The following ATG7 variants were observed in gnomAD, a reference collection of about 807,000 sequenced individuals.
ATG7 encodes the protein autophagy related 7.
A neutral mutation model predicts 82.4 loss-of-function variants in ATG7; 70 were observed. The ratio of observed to expected loss-of-function variants is 0.85; its 90% CI spans 0.70 to 1.04. The LOEUF (loss-of-function observed/expected upper bound fraction) is 1.04, where lower values mean the gene tolerates loss of function less well. Ranked by LOEUF, ATG7 falls within the 50% of genes least tolerant of loss-of-function variation. The pLI is 0.00. For synonymous variants in ATG7, 287 were observed against 313.0 expected, an observed-to-expected ratio of 0.92 and a Z score of 0.88; for missense variants, 792 against 864.3, an observed-to-expected ratio of 0.92 and a Z score of 1.05.
chr3:11,317,139 C>T (rs951857042), intron 9 of ATG7, among the ~76,000 whole-genome samples: 1 of 152,042 alleles, frequency 6.6e-6, no homozygotes, highest in African/African-American at 2.4e-5. Flanking sequence ...CACTCCTGGC[C>T]CAGAGGAAGC....
chr3:11,459,211 T>G (rs569920170), intron 20 of ATG7, among the ~76,000 whole-genome samples: 8 of 151,556 alleles, frequency 5.3e-5, no homozygotes, highest in Non-Finnish European at 8.8e-5. Flanking sequence ...TCAGTCATTA[T>G]GGTGAAATGT....
At chr3:11,335,258 T>G (rs1952265687) in intron 11 of ATG7, among the ~76,000 whole-genome samples, 1 of 151,952 alleles carries the variant, frequency 6.6e-6, no homozygotes, top group African/African-American at 2.4e-5. Context: ...TATACCTTTG[T>G]TTTATTAAAC....
intron 9 of ATG7, among the ~76,000 whole-genome samples, chr3:11,323,088 A>G (rs1318843464): frequency 6.6e-6 from 1 of 152,216 alleles, no homozygotes; most frequent in African/African-American, 2.4e-5. Context: ...AACAGAATGA[A>G]ACTGTCAAAA....
chr3:11,415,252 A>G (rs1441074746), intron 19 of ATG7, among the ~76,000 whole-genome samples: 1 of 152,228 alleles, frequency 6.6e-6, no homozygotes, highest in Non-Finnish European at 1.5e-5. Context: ...AATACTTACC[A>G]TAAATGGAGT....
chr3:11,431,805 G>A (rs1265104808), intron 20 of ATG7, among the ~76,000 whole-genome samples: 1 of 152,164 alleles, frequency 6.6e-6, no homozygotes, highest in South Asian at 2.1e-4. Flanking sequence ...GCCCCTTTAT[G>A]AAGGAGGAAT....
rs116213945 is a variant in ATG7 at position 11,437,088 on chromosome 3, C to T, written c.2079+10162C>T. 6.7e-3 allele frequency among the ~76,000 whole-genome samples: 1,014 copies of T among 152,258 alleles called. 9 individuals are homozygous for T. Among genetic ancestry groups the T allele is most frequent in the African/African-American group, 0.024 (978 of 41,558 alleles). Reference sequence around the variant, plus strand: ...ATTATCAATACAGATGTTTAAAAAGCAAGACAAAAAGTGCCCATAGTTGGG... The same window carrying T: ...ATTATCAATACAGATGTTTAAAAAGTAAGACAAAAAGTGCCCATAGTTGGG... On this transcript the variant is annotated intron_variant, in intron 20 of 20. Transcript: ENST00000693202.
chr3:11,560,877 C>T (rs1172182913), downstream of ATG7, among the ~76,000 whole-genome samples: 2 of 152,146 alleles, frequency 1.3e-5, no homozygotes, highest in Admixed American at 6.5e-5. Context: ...GTGGACAGGG[C>T]CTCGGGTGAG....
intron 13 of ATG7, among the ~76,000 whole-genome samples, chr3:11,342,556 C>T (rs541956522): frequency 4.6e-5 from 7 of 152,148 alleles, no homozygotes; most frequent in African/African-American, 1.7e-4. Flanking sequence ...TTATTGTAGA[C>T]ATATCTAAAT....
intron 2 of ATG7, among the ~76,000 whole-genome samples, 156 bp from the exon 3 acceptor site, chr3:11,282,037 T>A (rs1372284419): frequency 6.6e-6 from 1 of 152,146 alleles, no homozygotes; most frequent in Non-Finnish European, 1.5e-5. Context: ...CAGGTGGGTG[T>A]CTCTCAGATG....
chr3:11,286,844 A>G (rs184302499), intron 3 of ATG7, among the ~76,000 whole-genome samples: 14 of 151,374 alleles, frequency 9.2e-5, no homozygotes, highest in African/African-American at 2.7e-4. Flanking sequence ...AGCTCAAGCT[A>G]TCCTCCCGCC....
intron 14 of ATG7, among the ~76,000 whole-genome samples, chr3:11,354,119 T>TC (rs2075761776): frequency 6.6e-6 from 1 of 152,200 alleles, no homozygotes; most frequent in Non-Finnish European, 1.5e-5. Context: ...AAATGTCAGC[T>TC]CATAAGAAAC....
At chr3:11,490,828 T>A (rs149036026) in intron 20 of ATG7, among the ~76,000 whole-genome samples, 1,631 of 152,366 alleles carry the variant, frequency 0.011, 30 homozygotes, top group African/African-American at 0.037. Context: ...GTAGAGTTTC[T>A]GCTGAGACAT....
At chr3:11,493,223 A>C (rs942049754) in intron 20 of ATG7, among the ~76,000 whole-genome samples, 1 of 152,172 alleles carries the variant, frequency 6.6e-6, no homozygotes, top group Non-Finnish European at 1.5e-5. Flanking sequence ...CCCTGAAGTC[A>C]ATTTGCCTCT....
At position 11,524,871 on chromosome 3, in the gene ATG7, G is replaced by A. The variant is rs189788329; in HGVS notation, c.2080-29940G>A. On this transcript the variant is annotated intron_variant, in intron 20 of 20. Coordinates refer to ENST00000693202, the MANE Select transcript of ATG7 (RefSeq NM_001349232.2). ...CCCATTGTCCTGTCATCCTCCAGGTGAGGTTCTGTGTCTTACAGATTAAGA... is the reference window on the plus strand; with the variant it reads ...CCCATTGTCCTGTCATCCTCCAGGTAAGGTTCTGTGTCTTACAGATTAAGA... Among the ~76,000 whole-genome samples, 61 of 152,262 alleles carry A rather than the reference G, an allele frequency of 4.0e-4. 1 individual carries two copies. The highest frequency in any genetic ancestry group is 1.4e-3 in the African/African-American group (59 of 41,562).
At chr3:11,516,350 A>T (rs2092282834) in intron 20 of ATG7, among the ~76,000 whole-genome samples, 1 of 148,130 alleles carries the variant, frequency 6.8e-6, no homozygotes, top group African/African-American at 2.5e-5. Flanking sequence ...AATAAAATTA[A>T]AAAAAAAAAG....
intron 3 of ATG7, among the ~76,000 whole-genome samples, chr3:11,298,171 T>C (rs528148153): frequency 1.3e-5 from 2 of 149,628 alleles, no homozygotes; most frequent in African/African-American, 4.9e-5. Context: ...TGAGACTCCA[T>C]CTCAATTAAA....
At chr3:11,289,708 C>T (rs1944650182) in intron 3 of ATG7, among the ~76,000 whole-genome samples, 1 of 152,178 alleles carries the variant, frequency 6.6e-6, no homozygotes, top group African/African-American at 2.4e-5. Context: ...CCGATGCGCC[C>T]TGCAATGCCC....
In ATG7 at chr3:11,298,808, A is replaced by G. The variant is rs1399681594; in HGVS notation, c.113A>G (p.Tyr38Cys). ...TTGACCCAGAAGAAGCTGAACGAGT[A>G]TCGGCTGGATGAAGCTCCCAAGGAC... ...HELTQKKLNE[Y>C]RLDEAPKDIK... Residue 38 changes from tyrosine (Y) to cysteine (C), a missense_variant, in exon 4 of 21, where the codon TAT becomes TGT. Tyr to Cys is a radical substitution (Grantham distance 194, BLOSUM62 -2). Transcript: ENST00000693202. 1 of 1,614,096 alleles carries G rather than the reference A, an allele frequency of 6.2e-7. No homozygotes were observed. The highest frequency in any genetic ancestry group is 1.7e-5 in the Admixed American group (1 of 60,008).
At position 11,431,392 on chromosome 3, in the gene ATG7, A is replaced by G. The variant is rs190837181; in HGVS notation, c.2079+4466A>G. Among the ~76,000 whole-genome samples, 364 of 152,310 alleles carry G rather than the reference A, an allele frequency of 2.4e-3. 2 individuals are homozygous for G. Among genetic ancestry groups the G allele is most frequent in the Non-Finnish European group, 1.6e-3 (106 of 68,026 alleles). ...CTCCAGCCTGCAAGGGCGGGGGGAA[A>G]AAAACAACCACACACAACACACACA... On this transcript the variant is annotated intron_variant, in intron 20 of 20. Transcript: ENST00000693202.
Sources: allele counts gnomAD v4.1 joint callset (sites outside exome capture counted in the v4.1 genomes callset), GRCh38; gene constraint gnomAD v4.1.1; transcripts MANE v1.5; gene names NCBI Gene and HGNC (gene_info 2026-07-23, HGNC 2026-07-21).